Variants in GRIK2 observed in about 807,000 individuals in gnomAD.
The protein encoded by GRIK2 is glutamate receptor ionotropic, kainate 2.
Under a neutral mutation model 100.3 loss-of-function variants are expected in GRIK2, and 32 were observed. That is an observed-to-expected ratio of 0.32 (90% CI 0.24 to 0.43). The LOEUF is 0.43. Among genes scored for constraint, GRIK2 ranks in the 20% least tolerant of loss-of-function variants. GRIK2 has a pLI of 1.00. For missense variants in GRIK2, 843 were observed against 1,114.9 expected, an observed-to-expected ratio of 0.76 and a Z score of 3.47; for synonymous variants, 417 against 389.4, an observed-to-expected ratio of 1.07 and a Z score of -0.83.
At chr6:102,041,365 C>CAGTT (rs956433287) in intron 15 of GRIK2, among the ~76,000 whole-genome samples, 1 of 151,608 alleles carries the variant, frequency 6.6e-6, no homozygotes, top group Admixed American at 6.6e-5. Flanking sequence ...TACTTTAGAT[C>CAGTT]AGTTAGCCAC....
intron 2 of GRIK2, among the ~76,000 whole-genome samples, chr6:101,528,919 G>A (rs1342437527): frequency 1.3e-5 from 2 of 152,016 alleles, no homozygotes; most frequent in African/African-American, 2.4e-5. Context: ...AATGCAACTG[G>A]CAATGAGAAA....
At chr6:101,430,201 A>C (rs1433872814) in intron 2 of GRIK2, among the ~76,000 whole-genome samples, 3 of 152,244 alleles carry the variant, frequency 2.0e-5, no homozygotes, top group Admixed American at 6.5e-5. Flanking sequence ...TCCAAGATAC[A>C]TACAGGGTAT....
At chr6:101,584,944 G>T in intron 2 of GRIK2, among the ~76,000 whole-genome samples, 1 of 151,804 alleles carries the variant, frequency 6.6e-6, no homozygotes, top group Admixed American at 6.6e-5. Context: ...TTCAGTAAGT[G>T]GAGATGTAAC....
chr6:101,779,392 A>T (rs1050341242), intron 7 of GRIK2, among the ~76,000 whole-genome samples: 1 of 152,196 alleles, frequency 6.6e-6, no homozygotes, highest in Admixed American at 6.5e-5. Flanking sequence ...ATTTAAATAT[A>T]TTTGCAGACA....
At chr6:101,860,682 G>A (rs763095630) in intron 11 of GRIK2, among the ~76,000 whole-genome samples, 19 of 152,098 alleles carry the variant, frequency 1.2e-4, no homozygotes, top group South Asian at 2.1e-4. Flanking sequence ...CGAAAGGGCT[G>A]TTTTCTGTTT....
chr6:101,796,144 C>G lies in GRIK2; in HGVS notation c.952-3504C>G, dbSNP rs6915277. Among the ~76,000 whole-genome samples the G allele has an allele frequency of 2.6e-5, 4 of 152,082 alleles. No individual in the cohort carries two copies. The South Asian group carries it at 8.3e-4, about 31-fold the overall frequency. ...ATTATATGGATTAAATCCAGCTCTA[C>G]GTCTATATGCTATGGTTTGTTTTTT... On this transcript the variant is annotated intron_variant, in intron 7 of 16. Transcript: ENST00000369134.
chr6:101,982,310 C>G (rs1203545775), intron 14 of GRIK2, among the ~76,000 whole-genome samples: 3 of 151,974 alleles, frequency 2.0e-5, no homozygotes, highest in East Asian at 1.9e-4. Context: ...CCTGAATGGT[C>G]TCTTCAGAAA....
At chr6:101,877,850 T>G (rs1785964741) in intron 11 of GRIK2, among the ~76,000 whole-genome samples, 1 of 151,658 alleles carries the variant, frequency 6.6e-6, no homozygotes, top group Non-Finnish European at 1.5e-5. Context: ...TGTATTTTGT[T>G]TTTTAAAAGG....
At chr6:101,676,560 T>A in intron 4 of GRIK2, 63 bp from the exon 5 acceptor site, 3 of 947,282 alleles carry the variant, frequency 3.2e-6, no homozygotes, top group Non-Finnish European at 4.7e-6. Flanking sequence ...TGTTTTCTGA[T>A]TCTTTGCCCT....
At chr6:102,019,109 G>C (rs932643510) in intron 14 of GRIK2, among the ~76,000 whole-genome samples, 7 of 151,968 alleles carry the variant, frequency 4.6e-5, no homozygotes, top group African/African-American at 4.8e-5. Context: ...CAAATCAGTT[G>C]GTTATGCTAG....
At chr6:101,653,682 G>A (rs1582898566) in intron 4 of GRIK2, among the ~76,000 whole-genome samples, 2 of 151,592 alleles carry the variant, frequency 1.3e-5, no homozygotes, top group South Asian at 4.2e-4. Context: ...GAGTACAGTG[G>A]CACTATCTCA....
chr6:101,677,316 A>G (rs1035513459), intron 5 of GRIK2, among the ~76,000 whole-genome samples: 1 of 152,168 alleles, frequency 6.6e-6, no homozygotes, highest in Non-Finnish European at 1.5e-5. Context: ...TAACTTGACC[A>G]ATGTCAAGTA....
At chr6:102,010,883 T>G (rs1010637277) in intron 14 of GRIK2, among the ~76,000 whole-genome samples, 5 of 152,144 alleles carry the variant, frequency 3.3e-5, no homozygotes, top group Non-Finnish European at 7.4e-5. Flanking sequence ...TTTTAATAAA[T>G]AGTACTTATT....
chr6:101,642,178 G>T (rs971255925), intron 4 of GRIK2, among the ~76,000 whole-genome samples: 1 of 151,686 alleles, frequency 6.6e-6, no homozygotes, highest in Non-Finnish European at 1.5e-5. Flanking sequence ...TTAAACATTT[G>T]TAGTTTTCTT....
intron 10 of GRIK2, among the ~76,000 whole-genome samples, chr6:101,837,744 A>G (rs1338467465): frequency 1.3e-5 from 2 of 152,134 alleles, no homozygotes; most frequent in Non-Finnish European, 2.9e-5. Context: ...ATGGGTTGAA[A>G]TTTCTACCTA....
intron 10 of GRIK2, among the ~76,000 whole-genome samples, chr6:101,840,145 G>A (rs777625545): frequency 3.9e-5 from 6 of 152,116 alleles, no homozygotes; most frequent in Admixed American, 6.6e-5. Context: ...TGTTTGGTTT[G>A]ACAAACAATT....
chr6:101,785,953 C>T (rs1779396412), intron 7 of GRIK2, among the ~76,000 whole-genome samples: 1 of 152,042 alleles, frequency 6.6e-6, no homozygotes, highest in East Asian at 1.9e-4. Flanking sequence ...TATACATGAG[C>T]ATGGTCTTTT....
intron 2 of GRIK2, among the ~76,000 whole-genome samples, chr6:101,461,808 G>A (rs943047746): frequency 2.6e-5 from 4 of 152,132 alleles, no homozygotes; most frequent in Non-Finnish European, 4.4e-5. Flanking sequence ...TATCAGTTGG[G>A]TTAAATTGGG....
At chr6:101,661,150 C>A (rs947073541) in intron 4 of GRIK2, among the ~76,000 whole-genome samples, 9 of 152,242 alleles carry the variant, frequency 5.9e-5, no homozygotes, top group African/African-American at 2.2e-4. Context: ...GGGCTGCTGC[C>A]TTTCTTTCAG....
Sources: allele counts gnomAD v4.1 joint callset (sites outside exome capture counted in the v4.1 genomes callset), GRCh38; gene constraint gnomAD v4.1.1; transcripts MANE v1.5; gene names NCBI Gene and HGNC (gene_info 2026-07-23, HGNC 2026-07-21).